Variants in ANKRD36C observed in about 807,000 individuals in gnomAD.
The protein encoded by ANKRD36C is ankyrin repeat domain 36C.
A neutral mutation model predicts 276.4 loss-of-function variants in ANKRD36C; 61 were observed. The observed-to-expected ratio is 0.22, with a 90% CI of 0.18 to 0.27. ANKRD36C has a LOEUF of 0.27. ANKRD36C is among the 10% of genes least tolerant of loss of function. The pLI is 1.00. For missense variants in ANKRD36C, 1,447 were observed against 2,032.3 expected, an observed-to-expected ratio of 0.71 and a Z score of 5.54; for synonymous variants, 483 against 680.1, an observed-to-expected ratio of 0.71 and a Z score of 4.51.
chr2:95,856,509 A>C (rs1675415829), intron 62 of ANKRD36C, among the ~76,000 whole-genome samples: 1 of 152,154 alleles, frequency 6.6e-6, no homozygotes, highest in Non-Finnish European at 1.5e-5. Flanking sequence ...GACCACATTA[A>C]AAAATTGGGT....
intron 6 of ANKRD36C, among the ~76,000 whole-genome samples, chr2:95,964,013 A>ATATATG (rs1290578450): frequency 2.5e-4 from 5 of 20,248 alleles, no homozygotes; most frequent in Non-Finnish European, 3.7e-4. Flanking sequence ...ATATATATAT[A>ATATATG]TGTGTGTGTG....
chr2:95,856,067 C>T, exon 63 of ANKRD36C: 1 of 1,595,816 alleles, frequency 6.3e-7, no homozygotes, highest in Non-Finnish European at 8.5e-7. Flanking sequence ...TTAAGTATTT[C>T]TTTTCCAGGT....
chr2:95,988,549 T>G (rs547453107), intron 1 of ANKRD36C, among the ~76,000 whole-genome samples: 8 of 152,182 alleles, frequency 5.3e-5, no homozygotes, highest in Non-Finnish European at 1.2e-4. Flanking sequence ...TGCTACATAA[T>G]AGGTATTCAG....
intron 38 of ANKRD36C, among the ~76,000 whole-genome samples, chr2:95,915,365 C>A (rs534857491): frequency 8.4e-4 from 128 of 151,610 alleles, no homozygotes; most frequent in African/African-American, 1.9e-3. Context: ...AATTCAAGCA[C>A]TGTTTCCTGC....
At chr2:95,973,770 G>A (rs891460710) in intron 6 of ANKRD36C, among the ~76,000 whole-genome samples, 23 of 152,144 alleles carry the variant, frequency 1.5e-4, no homozygotes, top group African/African-American at 2.2e-4. Flanking sequence ...AGACCAGCAC[G>A]ATGGCTCGTA....
intron 44 of ANKRD36C, among the ~76,000 whole-genome samples, chr2:95,892,530 C>T (rs1372244903): frequency 1.3e-5 from 2 of 151,426 alleles, no homozygotes; most frequent in African/African-American, 2.4e-5. Context: ...CACCAAAGGA[C>T]AATATATTAG....
At chr2:95,893,852 T>G in intron 44 of ANKRD36C, 128 bp from the exon 63 acceptor site, 1 of 1,510,146 alleles carries the variant, frequency 6.6e-7, no homozygotes, top group Non-Finnish European at 8.9e-7. Flanking sequence ...TGGCTTCTAC[T>G]TTGTGTCTGG....
chr2:95,886,822 C>T (rs1676213528), intron 50 of ANKRD36C, among the ~76,000 whole-genome samples: 1 of 151,586 alleles, frequency 6.6e-6, no homozygotes. Flanking sequence ...ATTTCTCACA[C>T]CCATGTGCTG....
intron 42 of ANKRD36C, chr2:95,901,189 CT>C: frequency 1.6e-5 from 2 of 128,214 alleles, no homozygotes; most frequent in Admixed American, 1.4e-4. Flanking sequence ...TTCAAGGCTG[CT>C]TTTTTCCGAG....
intron 19 of ANKRD36C, among the ~76,000 whole-genome samples, chr2:95,942,541 TAAGA>T (rs1677923882): frequency 6.6e-6 from 1 of 152,284 alleles, no homozygotes; most frequent in African/African-American, 2.4e-5. Context: ...TACTAAAATA[TAAGA>T]GAGAAATGTA....
At chr2:95,911,053 C>G (rs1436899299) in intron 42 of ANKRD36C, among the ~76,000 whole-genome samples, 1 of 151,518 alleles carries the variant, frequency 6.6e-6, no homozygotes, top group Non-Finnish European at 1.5e-5. Context: ...TTCAGTTGAA[C>G]TTACACTTCA....
intron 36 of ANKRD36C, 110 bp from the exon 39 acceptor site, chr2:95,916,281 G>C: frequency 6.6e-7 from 1 of 1,526,340 alleles, no homozygotes; most frequent in East Asian, 2.4e-5. Context: ...TATTAGTGGA[G>C]GCTTTGATGG....
Position 95,978,711 on chromosome 2 carries a change from C to T in ANKRD36C, c.732-522G>A, listed in dbSNP as rs575172732. On this transcript the variant is annotated intron_variant, in intron 5 of 66. Coordinates refer to ENST00000456556, the Ensembl canonical transcript of ANKRD36C. ...TTTCATAGGTTCTAATATTCAAATG[C>T]TTCAGTTTAAGAAAAATGTTAAGTC... Among the ~76,000 whole-genome samples, 3 of 152,062 alleles carry T rather than the reference C, an allele frequency of 2.0e-5. No homozygotes were observed. In the South Asian group the frequency reaches 6.2e-4, roughly 32 times the overall value.
chr2:95,910,861 A>T (rs4907224), intron 42 of ANKRD36C, among the ~76,000 whole-genome samples: 41,611 of 151,330 alleles, frequency 0.27, 6,678 homozygotes, highest in East Asian at 0.48. Context: ...GATGAGAACA[A>T]ATGTGATCTA....
rs923420013 is a variant in ANKRD36C, at chr2:95,981,509, C to T, written c.594-724G>A. On this transcript the variant is annotated intron_variant, in intron 4 of 66. Coordinates refer to ENST00000456556, the Ensembl canonical transcript of ANKRD36C. ...TGATGTTACTTACATTATATTCTTA[C>T]ATACATATGTGTGTATATGTAATAT... 7.0e-5 allele frequency among the ~76,000 whole-genome samples: 10 copies of T among 143,374 alleles called. No homozygotes were observed. In the Admixed American group the frequency reaches 7.0e-4, roughly 10 times the overall value. 94.1% of individuals were successfully genotyped at this position (143,374 alleles called of 152,430 possible).
intron 56 of ANKRD36C, among the ~76,000 whole-genome samples, chr2:95,882,038 CCTCTTAT>C (rs1428568855): frequency 1.5e-5 from 2 of 133,068 alleles, no homozygotes; most frequent in Non-Finnish European, 3.2e-5. Flanking sequence ...GTCCCCGGAT[CCTCTTAT>C]CTCTTATATC....
intron 6 of ANKRD36C, among the ~76,000 whole-genome samples, chr2:95,976,482 T>G (rs1215129267): frequency 6.6e-6 from 1 of 152,162 alleles, no homozygotes; most frequent in Non-Finnish European, 1.5e-5. Flanking sequence ...CCAGAAGAAC[T>G]TATCAGGGGT....
At chr2:95,893,171 T>C (rs1329320646) in intron 44 of ANKRD36C, among the ~76,000 whole-genome samples, 3 of 151,458 alleles carry the variant, frequency 2.0e-5, no homozygotes, top group Admixed American at 6.6e-5. Context: ...TGTCTGTTTT[T>C]AGCAGTACGA....
chr2:95,876,608 T>C (rs1675960619), intron 58 of ANKRD36C, 96 bp from the exon 79 acceptor site: 3 of 656,562 alleles, frequency 4.6e-6, no homozygotes, highest in Non-Finnish European at 5.6e-6. Context: ...TCCCAGCACT[T>C]TGGGAGGCCG....
Sources: gnomAD v4.1 joint callset for allele counts (sites outside exome capture counted in the v4.1 genomes callset) on GRCh38, gnomAD v4.1.1 for gene constraint, MANE v1.5 for transcripts, NCBI Gene and HGNC (gene_info 2026-07-23, HGNC 2026-07-21) for gene names.